The following GRID2 variants were observed in gnomAD, a reference collection of about 807,000 sequenced individuals.
The protein encoded by GRID2 is glutamate receptor ionotropic, delta-2.
GRID2 carries 33 observed loss-of-function variants against 114.8 expected under a neutral mutation model. The observed-to-expected ratio is 0.29, with a 90% confidence interval of 0.22 to 0.38. The LOEUF is 0.38. Among genes scored for constraint, GRID2 ranks in the 10% least tolerant of loss-of-function variants. GRID2 has a pLI of 1.00. For missense variants in GRID2, 1,184 were observed against 1,257.7 expected, an observed-to-expected ratio of 0.94 and a Z score of 0.89; for synonymous variants, 505 against 449.9, an observed-to-expected ratio of 1.12 and a Z score of -1.55.
At chr4:93,283,285 C>T (rs956534541) in intron 8 of GRID2, among the ~76,000 whole-genome samples, 5 of 151,954 alleles carry the variant, frequency 3.3e-5, no homozygotes, top group African/African-American at 1.2e-4. Flanking sequence ...ACCCAATATC[C>T]ACAGCCACTG....
intron 2 of GRID2, among the ~76,000 whole-genome samples, chr4:93,065,607 C>G (rs913107634): frequency 2.6e-5 from 4 of 151,798 alleles, no homozygotes; most frequent in Admixed American, 2.6e-4. Context: ...ATTGTAAGAA[C>G]AGTTAAAAAC....
Position 93,207,398 on chromosome 4 carries a change from T to G in GRID2, c.736-6T>G. On this transcript the variant is annotated splice_polypyrimidine_tract_variant and splice_region_variant and intron_variant, in intron 4 of 15. Coordinates refer to ENST00000282020, the MANE Select transcript of GRID2 (RefSeq NM_001510.4). ...TGACTGATAGCTGATTTGTTTTCTA[T>G]TCTAGGTTGTGGAGACTAATTTGGT... 6.3e-7 allele frequency: 1 copy of G among 1,589,612 alleles called. No homozygotes were observed. The highest frequency in any genetic ancestry group is 8.6e-7 in the Non-Finnish European group (1 of 1,158,198).
At chr4:93,413,010 G>A (rs1479864924) in intron 9 of GRID2, among the ~76,000 whole-genome samples, 1 of 152,082 alleles carries the variant, frequency 6.6e-6, no homozygotes, top group Non-Finnish European at 1.5e-5. Context: ...TGGGCATTTG[G>A]GTTGGTTCCA....
At chr4:92,472,421 G>A (rs566826861) in intron 1 of GRID2, among the ~76,000 whole-genome samples, 1 of 152,194 alleles carries the variant, frequency 6.6e-6, no homozygotes, top group South Asian at 2.1e-4. Context: ...AGGAACATAT[G>A]TTTTGAAATT....
intron 13 of GRID2, among the ~76,000 whole-genome samples, chr4:93,594,430 T>C (rs1174625768): frequency 6.6e-6 from 1 of 152,178 alleles, no homozygotes; most frequent in Non-Finnish European, 1.5e-5. Context: ...TCCAGCTGCG[T>C]ACTGGGAGAA....
intron 2 of GRID2, among the ~76,000 whole-genome samples, chr4:93,026,768 T>C (rs1723920243): frequency 6.6e-6 from 1 of 151,992 alleles, no homozygotes; most frequent in South Asian, 2.1e-4. Flanking sequence ...TATGAATACC[T>C]AAATTTAAGA....
chr4:92,768,842 T>A (rs1317086679), intron 2 of GRID2, among the ~76,000 whole-genome samples: 2 of 152,186 alleles, frequency 1.3e-5, no homozygotes, highest in Non-Finnish European at 2.9e-5. Flanking sequence ...CCCACTTCGT[T>A]CCTCCTACAA....
intron 14 of GRID2, among the ~76,000 whole-genome samples, chr4:93,755,037 GC>G (rs1243782801): frequency 6.6e-6 from 1 of 152,162 alleles, no homozygotes; most frequent in Non-Finnish European, 1.5e-5. Flanking sequence ...TGTAGCTCTT[GC>G]CATTATCATG....
Position 92,582,114 on chromosome 4 carries a change from T to C in GRID2, c.89-8017T>C, listed in dbSNP as rs149187055. 5.2e-4 allele frequency among the ~76,000 whole-genome samples: 79 copies of C among 152,210 alleles called. No individual in the cohort carries two copies. In the East Asian group the frequency reaches 0.014, roughly 28 times the overall value. ...GGAAAATAACGAGCCAGATAGTTTC[T>C]GTACCTGGCCACAATTTGAATATTA... On this transcript the variant is annotated intron_variant, in intron 1 of 15. Coordinates refer to ENST00000282020, the MANE Select transcript of GRID2 (RefSeq NM_001510.4).
chr4:92,738,995 C>G (rs1404592295), intron 2 of GRID2, among the ~76,000 whole-genome samples: 1 of 152,030 alleles, frequency 6.6e-6, no homozygotes, highest in Non-Finnish European at 1.5e-5. Flanking sequence ...TCAACATCAT[C>G]CATTGCTGAA....
intron 8 of GRID2, among the ~76,000 whole-genome samples, chr4:93,367,557 T>C (rs1762461094): frequency 6.6e-6 from 1 of 152,144 alleles, no homozygotes; most frequent in Admixed American, 6.6e-5. Context: ...GAAATAAATA[T>C]ACGAATAGGT....
intron 14 of GRID2, among the ~76,000 whole-genome samples, chr4:93,632,348 A>G (rs1040325656): frequency 1.2e-4 from 19 of 152,162 alleles, no homozygotes; most frequent in African/African-American, 2.9e-4. Flanking sequence ...TTATGGTTTT[A>G]GGTCTAACAT....
chr4:92,707,971 T>C (rs576329407), intron 2 of GRID2, among the ~76,000 whole-genome samples: 178 of 152,136 alleles, frequency 1.2e-3, no homozygotes, highest in Non-Finnish European at 2.2e-3. Context: ...CTAGAGAGAA[T>C]GAATGAGGGA....
At chr4:92,725,910 C>T (rs916982238) in intron 2 of GRID2, among the ~76,000 whole-genome samples, 5 of 151,836 alleles carry the variant, frequency 3.3e-5, no homozygotes, top group African/African-American at 7.3e-5. Context: ...ATATAAAAAG[C>T]GGAAGTAAGC....
At chr4:93,794,284 A>T (rs1398462501) in intron 1 of GRID2, among the ~76,000 whole-genome samples, 2 of 152,208 alleles carry the variant, frequency 1.3e-5, no homozygotes, top group Non-Finnish European at 2.9e-5. Flanking sequence ...TAATGTTTGA[A>T]GCCAACATCA....
chr4:93,412,310 C>G (rs1319903976), intron 9 of GRID2, among the ~76,000 whole-genome samples: 1 of 129,904 alleles, frequency 7.7e-6, no homozygotes, highest in Non-Finnish European at 1.7e-5. Flanking sequence ...AGCAGGATTG[C>G]TTGAGCCCAG....
intron 1 of GRID2, among the ~76,000 whole-genome samples, chr4:92,514,610 A>G (rs1002245545): frequency 6.6e-6 from 1 of 151,960 alleles, no homozygotes. Context: ...TTCACAATGA[A>G]GAATGATCAT....
intron 8 of GRID2, among the ~76,000 whole-genome samples, chr4:93,345,055 A>G (rs775898746): frequency 4.0e-5 from 6 of 150,708 alleles, no homozygotes; most frequent in African/African-American, 7.3e-5. Context: ...TCATCTGTCA[A>G]TGAACACTTA....
chr4:93,661,729 G>A (rs1024902214), intron 14 of GRID2, among the ~76,000 whole-genome samples: 1 of 152,108 alleles, frequency 6.6e-6, no homozygotes, highest in Non-Finnish European at 1.5e-5. Flanking sequence ...GTGATTTTAT[G>A]GACTATCACT....
Sources: gnomAD v4.1 joint callset for allele counts (sites outside exome capture counted in the v4.1 genomes callset) on GRCh38, gnomAD v4.1.1 for gene constraint, MANE v1.5 for transcripts, NCBI Gene and HGNC (gene_info 2026-07-23, HGNC 2026-07-21) for gene names.